The following SPATA31H1 variants were observed in gnomAD, a reference collection of about 807,000 sequenced individuals.
The protein encoded by SPATA31H1 is SPATA31 subfamily H member 1.
At chr2:27,581,953 C>G in the SPATA31H1 span, 1 of 1,613,524 alleles carries the variant, frequency 6.2e-7, no homozygotes, top group Non-Finnish European at 8.5e-7. Context: ...CACAGTCCCT[C>G]TGAGAGAAGC....
chr2:27,574,699 G>A, the SPATA31H1 span: 3 of 398,370 alleles, frequency 7.5e-6, no homozygotes, highest in Non-Finnish European at 1.3e-5. Flanking sequence ...TTCCACCATG[G>A]TCTAAAGTTA....
the SPATA31H1 span, chr2:27,565,352 A>G: frequency 1.4e-6 from 1 of 717,382 alleles, no homozygotes. Flanking sequence ...AAAGCAGCAT[A>G]GATTGAAAAA....
the SPATA31H1 span, chr2:27,582,231 A>T: frequency 5.0e-6 from 8 of 1,614,054 alleles, no homozygotes; most frequent in Non-Finnish European, 6.8e-6. Context: ...AAGCCATCGC[A>T]GTCCCTCCGG....
the SPATA31H1 span, chr2:27,580,048 ATGGTG>A: frequency 6.2e-7 from 1 of 1,614,190 alleles, no homozygotes; most frequent in Non-Finnish European, 8.5e-7. Flanking sequence ...CCTGAAGGCC[ATGGTG>A]AGGTTCGGTT....
chr2:27,561,114 T>C, the SPATA31H1 span, among the ~76,000 whole-genome samples: 4 of 152,244 alleles, frequency 2.6e-5, no homozygotes, highest in East Asian at 7.7e-4. Context: ...GTGGATCACT[T>C]GAGGTCAGGA....
the SPATA31H1 span, chr2:27,567,165 A>G: frequency 4.5e-6 from 3 of 666,458 alleles, no homozygotes; most frequent in Non-Finnish European, 8.2e-6. Flanking sequence ...AAATGATGAG[A>G]GAATGAGCAA....
chr2:27,580,548 A>C, the SPATA31H1 span: 1 of 1,614,262 alleles, frequency 6.2e-7, no homozygotes. Flanking sequence ...AAGAAGGAAG[A>C]GGATTGGAGC....
chr2:27,566,387 C>T, the SPATA31H1 span: 19 of 716,958 alleles, frequency 2.7e-5, no homozygotes, highest in Non-Finnish European at 4.7e-5. Flanking sequence ...AGCGCAAGGT[C>T]AGGCAATGTA....
the SPATA31H1 span, chr2:27,575,768 C>T: frequency 2.5e-6 from 1 of 398,530 alleles, no homozygotes; most frequent in Non-Finnish European, 4.4e-6. The surrounding 1 kb of genome is among the most constrained non-coding windows in gnomAD (Gnocchi z 4.1). Context: ...ATGGGTGCAT[C>T]CCTGGGCCAC....
At chr2:27,579,942 T>G in the SPATA31H1 span, 10 of 1,614,174 alleles carry the variant, frequency 6.2e-6, no homozygotes, top group Non-Finnish European at 8.5e-6. Context: ...CTGCCTACAG[T>G]GTGGCCGATG....
At chr2:27,566,323 T>C in the SPATA31H1 span, 2 of 717,334 alleles carry the variant, frequency 2.8e-6, no homozygotes, top group Non-Finnish European at 5.2e-6. Context: ...GACCCAGGAA[T>C]ATATACTCTG....
the SPATA31H1 span, chr2:27,567,796 T>G: frequency 2.5e-6 from 1 of 398,970 alleles, no homozygotes; most frequent in Non-Finnish European, 4.4e-6. Flanking sequence ...AATGTGGAGT[T>G]GACCCCAAGG....
chr2:27,582,268 G>A, the SPATA31H1 span: 3 of 1,614,072 alleles, frequency 1.9e-6, no homozygotes, highest in Non-Finnish European at 2.5e-6. Flanking sequence ...ACCTCTGAGA[G>A]GAGCCATCGC....
the SPATA31H1 span, chr2:27,575,210 ACT>A: frequency 5.0e-6 from 2 of 398,506 alleles, no homozygotes; most frequent in Non-Finnish European, 4.4e-6. This position sits in a 1 kb window ranked among gnomAD's most constrained non-coding sequence, Gnocchi z 4.1. Context: ...AGGTTGCAAA[ACT>A]CTCTAAGTTG....
chr2:27,579,108 T>C, the SPATA31H1 span: 1 of 1,614,072 alleles, frequency 6.2e-7, no homozygotes, highest in East Asian at 2.2e-5. Flanking sequence ...ACCACAAAGC[T>C]GGAGATCACG....
the SPATA31H1 span, among the ~76,000 whole-genome samples, chr2:27,563,743 T>C: frequency 1.3e-5 from 2 of 152,066 alleles, no homozygotes; most frequent in Non-Finnish European, 2.9e-5. Context: ...GTATTTTTAG[T>C]AGAGACGGTG....
At chr2:27,576,768 A>G in the SPATA31H1 span, 37 of 1,613,870 alleles carry the variant, frequency 2.3e-5, no homozygotes, top group Non-Finnish European at 3.1e-5. Flanking sequence ...TTTGGAGTTT[A>G]CTGTAGAGCC....
chr2:27,549,055 AGAGT>A, the SPATA31H1 span, among the ~76,000 whole-genome samples: 1 of 147,024 alleles, frequency 6.8e-6, no homozygotes, highest in African/African-American at 2.6e-5. Flanking sequence ...CCTGAGCAAC[AGAGT>A]GAGACTCCGT....
the SPATA31H1 span, among the ~76,000 whole-genome samples, chr2:27,564,704 G>A: frequency 6.6e-6 from 1 of 152,012 alleles, no homozygotes; most frequent in Non-Finnish European, 1.5e-5. Context: ...TCAGGAGGCT[G>A]AGGAAGGAGA....
Sources: allele counts gnomAD v4.1 joint callset (sites outside exome capture counted in the v4.1 genomes callset), GRCh38; gene constraint gnomAD v4.1.1; non-coding constraint Gnocchi (gnomAD v3.1); transcripts MANE v1.5; gene names NCBI Gene and HGNC (gene_info 2026-07-23, HGNC 2026-07-21).